The following PDE10A variants were observed in gnomAD, a reference collection of about 807,000 sequenced individuals.
PDE10A encodes the protein cAMP and cAMP-inhibited cGMP 3',5'-cyclic phosphodiesterase 10A.
PDE10A carries 39 observed loss-of-function variants against 97.7 expected under a neutral mutation model. The ratio of observed to expected loss-of-function variants is 0.40; its 90% CI spans 0.31 to 0.52. The LOEUF is 0.52. Among genes scored for constraint, PDE10A ranks in the 20% least tolerant of loss-of-function variants. PDE10A has a pLI of 0.56. For missense variants in PDE10A, 731 were observed against 1,047.8 expected, an observed-to-expected ratio of 0.70 and a Z score of 4.17; for synonymous variants, 371 against 376.8, an observed-to-expected ratio of 0.98 and a Z score of 0.18.
At chr6:165,656,240 T>C (rs1789951489) in intron 1 of PDE10A, among the ~76,000 whole-genome samples, 1 of 100,420 alleles carries the variant, frequency 1.0e-5, no homozygotes, top group African/African-American at 4.0e-5. Flanking sequence ...ACCCCAACTC[T>C]CTCTCTCTCT....
intron 1 of PDE10A, among the ~76,000 whole-genome samples, chr6:165,565,147 G>A (rs1169103527): frequency 6.6e-6 from 1 of 152,154 alleles, no homozygotes; most frequent in African/African-American, 2.4e-5. Flanking sequence ...TACAGTTTGG[G>A]AAGGAAGAAA....
chr6:165,621,970 G>T (rs1788161045), intron 1 of PDE10A, among the ~76,000 whole-genome samples: 1 of 152,128 alleles, frequency 6.6e-6, no homozygotes, highest in African/African-American at 2.4e-5. Context: ...TTTAAAATGT[G>T]ATTAACATTT....
intron 13 of PDE10A, among the ~76,000 whole-genome samples, chr6:165,403,336 A>T (rs1786827574): frequency 6.6e-6 from 1 of 152,174 alleles, no homozygotes; most frequent in African/African-American, 2.4e-5. Flanking sequence ...AATTATGCAC[A>T]TTTCTTCCCA....
At chr6:165,952,319 C>G (rs78078151) in intron 1 of PDE10A, among the ~76,000 whole-genome samples, 2,233 of 152,356 alleles carry the variant, frequency 0.015, 55 homozygotes, top group African/African-American at 0.051. Flanking sequence ...CATAACTATA[C>G]AGCTCCTAAA....
intron 1 of PDE10A, among the ~76,000 whole-genome samples, chr6:165,724,072 A>G (rs1321086232): frequency 1.3e-5 from 2 of 152,206 alleles, no homozygotes; most frequent in African/African-American, 4.8e-5. Flanking sequence ...AGAGGACGGA[A>G]TATTAGTCAG....
chr6:165,847,622 C>G (rs1318155386), intron 1 of PDE10A, among the ~76,000 whole-genome samples: 1 of 152,262 alleles, frequency 6.6e-6, no homozygotes, highest in East Asian at 1.9e-4. Context: ...CTGAATTCTG[C>G]AAACGCACAG....
At chr6:165,849,609 T>C (rs1179262508) in intron 1 of PDE10A, among the ~76,000 whole-genome samples, 1 of 152,190 alleles carries the variant, frequency 6.6e-6, no homozygotes, top group Non-Finnish European at 1.5e-5. Flanking sequence ...TTCAATTTCT[T>C]CTTCTAAGTT....
intron 2 of PDE10A, among the ~76,000 whole-genome samples, chr6:165,485,408 C>T (rs1447569419): frequency 7.0e-6 from 1 of 142,464 alleles, no homozygotes; most frequent in African/African-American, 2.6e-5. Flanking sequence ...GCAGAGGTTG[C>T]AGTGAGCCAA....
chr6:165,793,706 C>T (rs1252750116), intron 1 of PDE10A, among the ~76,000 whole-genome samples: 5 of 152,216 alleles, frequency 3.3e-5, no homozygotes, highest in South Asian at 2.1e-4. Context: ...CAAGTGGTGG[C>T]ACTTAGATAA....
intron 3 of PDE10A, among the ~76,000 whole-genome samples, chr6:165,451,812 T>A (rs1437156319): frequency 6.6e-6 from 1 of 152,198 alleles, no homozygotes; most frequent in East Asian, 1.9e-4. Context: ...AAAGATATTA[T>A]CTTCAATGAG....
chr6:165,874,810 T>C (rs1019206981), intron 1 of PDE10A, among the ~76,000 whole-genome samples: 1 of 152,168 alleles, frequency 6.6e-6, no homozygotes, highest in African/African-American at 2.4e-5. Context: ...TGAAATGTCA[T>C]CATTCCTTCT....
At chr6:165,433,251 A>G in intron 6 of PDE10A, 122 bp from the exon 7 acceptor site, 1 of 670,648 alleles carries the variant, frequency 1.5e-6, no homozygotes, top group Non-Finnish European at 2.5e-6. Flanking sequence ...TTTTCAAAGG[A>G]AAACTAAATG....
In PDE10A at chr6:165,414,694, C is replaced by T. The variant is rs558103397; in HGVS notation, c.1890-1007G>A. Reference sequence around the variant, plus strand: ...TTTTGCTTGTAGTACTATCTAGAAGCGGAGCTGATTAGTGGACTGCACAGT... The same window carrying T: ...TTTTGCTTGTAGTACTATCTAGAAGTGGAGCTGATTAGTGGACTGCACAGT... On this transcript the variant is annotated intron_variant, in intron 12 of 21. Transcript: ENST00000539869. Among the ~76,000 whole-genome samples the T allele has an allele frequency of 4.6e-4, 70 of 152,282 alleles. 4 individuals are homozygous for T. In the South Asian group the frequency reaches 0.012, roughly 25 times the overall value.
intron 2 of PDE10A, among the ~76,000 whole-genome samples, chr6:165,484,743 C>T (rs1214736884): frequency 6.6e-6 from 1 of 152,182 alleles, no homozygotes; most frequent in Non-Finnish European, 1.5e-5. Context: ...CTGAGTGCTT[C>T]AATTGCACAG....
intron 2 of PDE10A, among the ~76,000 whole-genome samples, chr6:165,486,357 G>A (rs973816529): frequency 1.6e-4 from 24 of 152,296 alleles, no homozygotes; most frequent in African/African-American, 5.1e-4. Flanking sequence ...CAGCTGCCAC[G>A]ACTGGATGGC....
chr6:165,558,300 T>G (rs566398364), intron 1 of PDE10A, among the ~76,000 whole-genome samples: 121 of 152,310 alleles, frequency 7.9e-4, no homozygotes, highest in African/African-American at 2.6e-3. Flanking sequence ...TCATGTCCTT[T>G]GTAGGGACAC....
Position 165,691,588 on chromosome 6 carries a change from C to CGT in PDE10A, c.-614-148021_-614-148020insAC, listed in dbSNP as rs1306689264. On this transcript the variant is annotated intron_variant, in intron 1 of 19. Coordinates refer to the PDE10A transcript ENST00000366882. ...GTGCCCATGCGCACGCATGCACGCG[C>CGT]GCGCACACACACACACACACACACA... Among the ~76,000 whole-genome samples, 9 of 51,730 alleles carry CGT rather than the reference C, an allele frequency of 1.7e-4. No homozygotes were observed. The South Asian group carries it at 4.1e-3, about 24-fold the overall frequency. 33.9% of individuals were successfully genotyped at this position (51,730 alleles called of 152,430 possible).
chr6:165,933,066 G>C (rs1783192729), intron 1 of PDE10A, among the ~76,000 whole-genome samples: 1 of 152,194 alleles, frequency 6.6e-6, no homozygotes, highest in Non-Finnish European at 1.5e-5. Context: ...CCAGGTTTGT[G>C]GATATGAAGA....
intron 1 of PDE10A, among the ~76,000 whole-genome samples, chr6:165,625,309 A>G (rs750126709): frequency 3.5e-4 from 53 of 152,194 alleles, no homozygotes; most frequent in Admixed American, 1.2e-3. Context: ...TGGTCCAGGA[A>G]TGGGCTGCAG....
Sources: allele counts gnomAD v4.1 joint callset (sites outside exome capture counted in the v4.1 genomes callset), GRCh38; gene constraint gnomAD v4.1.1; transcripts MANE v1.5; gene names NCBI Gene and HGNC (gene_info 2026-07-23, HGNC 2026-07-21).